NPVF: variants seen among roughly 807,000 people sequenced by gnomAD.
NPVF encodes the protein pro-FMRFamide-related neuropeptide VF.
A neutral mutation model predicts 15.7 loss-of-function variants in NPVF; 17 were observed. The ratio of observed to expected loss-of-function variants is 1.08; its 90% CI spans 0.74 to 1.62. The LOEUF is 1.62. NPVF is among the 40% of genes most tolerant of loss of function. The pLI, the probability that NPVF is intolerant of heterozygous loss-of-function variation, is 0.00. For missense variants in NPVF, 270 were observed against 225.2 expected (o/e 1.20, Z -1.27); for synonymous variants, 70 against 80.1 (o/e 0.87, Z 0.67).
At position 25,225,115 on chromosome 7, in the gene NPVF, A is replaced by G. The variant is rs1783108620; in HGVS notation, c.*7T>C. On this transcript the variant is annotated 3_prime_UTR_variant, in exon 3 of 3. Coordinates refer to ENST00000222674, the MANE Select transcript of NPVF (RefSeq NM_022150.3). Reference sequence around the variant, plus strand: ...GGCCACAGCTTTAGGGACAGGCTCCAGGTTTCTTATTTTTCTTGTTTCAAT... The same window carrying G: ...GGCCACAGCTTTAGGGACAGGCTCCGGGTTTCTTATTTTTCTTGTTTCAAT... 1.2e-6 allele frequency: 2 copies of G among 1,612,812 alleles called. No individual in the cohort carries two copies. Among genetic ancestry groups the G allele is most frequent in the Non-Finnish European group, 1.7e-6 (2 of 1,179,258 alleles).
In NPVF at chr7:25,224,892, T is replaced by C. The variant is rs1347928491; in HGVS notation, c.*230A>G. On this transcript the variant is annotated 3_prime_UTR_variant, in exon 3 of 3. Coordinates refer to ENST00000222674, the MANE Select transcript of NPVF (RefSeq NM_022150.3). ...CCATTATCAGAGATTTCTAAAGCATTTGCAATGCTTTTTTTTTATTCAGAC... is the reference window on the plus strand; with the variant it reads ...CCATTATCAGAGATTTCTAAAGCATCTGCAATGCTTTTTTTTTATTCAGAC... 1 of 497,692 alleles carries C rather than the reference T, an allele frequency of 2.0e-6. No individual in the cohort carries two copies. Among genetic ancestry groups the C allele is most frequent in the Non-Finnish European group, 3.5e-6 (1 of 285,632 alleles). 30.8% of individuals were successfully genotyped at this position (497,692 alleles called of 1,614,324 possible). A position where few individuals can be genotyped will look rare whatever the true frequency, so the allele number is the denominator to read the frequency against.
At chr7:25,226,168 A>G (rs926845248) in intron 2 of NPVF, among the ~76,000 whole-genome samples, 3 of 152,252 alleles carry the variant, frequency 2.0e-5, no homozygotes, top group Non-Finnish European at 4.4e-5. Context: ...TGATTATAAC[A>G]GAGTTTATAA....
chr7:25,227,994 T>C (rs1469571834), intron 1 of NPVF, among the ~76,000 whole-genome samples: 1 of 152,232 alleles, frequency 6.6e-6, no homozygotes, highest in Non-Finnish European at 1.5e-5. Flanking sequence ...AGCTGAAATG[T>C]ACCCAAATCT....
chr7:25,225,008 G>A lies in NPVF; in HGVS notation c.*114C>T. 1.3e-6 allele frequency: 1 copy of A among 775,772 alleles called. No homozygotes were observed. The highest frequency in any genetic ancestry group is 1.8e-5 in the South Asian group (1 of 55,858). The allele number at this position is 775,772 out of a possible 1,614,324, so 48.1% of individuals were successfully genotyped here. On this transcript the variant is annotated 3_prime_UTR_variant, in exon 3 of 3. Coordinates refer to ENST00000222674, the MANE Select transcript of NPVF (RefSeq NM_022150.3). ...ATAGCTGTACTGACAAGGAAAAATTGCCGTTGATGATCCATAGCTGATGAA... is the reference window on the plus strand; with the variant it reads ...ATAGCTGTACTGACAAGGAAAAATTACCGTTGATGATCCATAGCTGATGAA...
At chr7:25,226,601 C>T (rs1783131875) in intron 2 of NPVF, 25 bp downstream of exon 2, 1 of 1,606,466 alleles carries the variant, frequency 6.2e-7, no homozygotes, top group Non-Finnish European at 8.5e-7. Flanking sequence ...TGCCCATGCA[C>T]TTTGACTGGT....
At position 25,226,776 on chromosome 7, in the gene NPVF, C is replaced by G. The variant is rs1583440988; in HGVS notation, c.389G>C (p.Arg130Thr). ...TTTGGCTGTTGTTGTTCTCCCAAAC[C>G]TTTGGGGCAGGTTAGGAACACGTCT... ...LVRRVPNLPQ[R>T]FGRTTTAKSV... Residue 130 changes from arginine to threonine, a missense_variant, in exon 2 of 3, where the codon AGG becomes ACG. Coordinates refer to ENST00000222674, the MANE Select transcript of NPVF (RefSeq NM_022150.3). The G allele has an allele frequency of 6.2e-7, 1 of 1,614,158 alleles. No individual in the cohort carries two copies. Among genetic ancestry groups the G allele is most frequent in the East Asian group, 2.2e-5 (1 of 44,876 alleles).
Position 25,224,938 on chromosome 7 carries a change from G to A in NPVF, c.*184C>T, listed in dbSNP as rs142505821. The A allele has an allele frequency of 1.9e-4, 93 of 502,218 alleles. No homozygotes were observed. The highest frequency in any genetic ancestry group is 1.4e-3 in the African/African-American group (70 of 49,924). The allele number at this position is 502,218 out of a possible 1,614,324, so 31.1% of individuals were successfully genotyped here. A position where few individuals can be genotyped will look rare whatever the true frequency, so the allele number is the denominator to read the frequency against. ...CAGACAAAAATCATTTTAACTTTAC[G>A]TAACAAATATGCTTTAATTTTTTTA... is the stretch of plus-strand genomic sequence containing the variant. On this transcript the variant is annotated 3_prime_UTR_variant, in exon 3 of 3. Coordinates refer to ENST00000222674, the MANE Select transcript of NPVF (RefSeq NM_022150.3).
In NPVF at chr7:25,226,655, T is replaced by G. The variant is rs144694231; in HGVS notation, c.510A>C (p.Glu170Asp). Residue 170 changes from glutamate to aspartate, a missense_variant, in exon 2 of 3, where the codon GAA (glutamate) becomes GAC (aspartate). Glu to Asp is a conservative substitution (Grantham distance 45). Coordinates refer to ENST00000222674, the MANE Select transcript of NPVF (RefSeq NM_022150.3). ...ACTGTTTTTGATCGGGATTCTGGAT[T>G]TCTTGGTGCTGGCAGGTCATGGAGT... Reference protein sequence around the residue: ...LFYSMTCQHQEIQNPDQKQSR... With the variant: ...LFYSMTCQHQDIQNPDQKQSR... 6.5e-4 allele frequency: 1,054 copies of G among 1,613,968 alleles called. 2 individuals are homozygous for G. The highest frequency in any genetic ancestry group is 9.0e-4 in the Admixed American group (54 of 60,022).
At chr7:25,225,312 G>C in intron 2 of NPVF, 139 bp from the exon 3 acceptor site, 1 of 669,506 alleles carries the variant, frequency 1.5e-6, no homozygotes, top group Non-Finnish European at 2.6e-6. Context: ...GTGAGATATT[G>C]GGGGGATGCT....
chr7:25,227,285 C>A (rs777505484), intron 1 of NPVF, among the ~76,000 whole-genome samples: 25 of 152,090 alleles, frequency 1.6e-4, no homozygotes, highest in Non-Finnish European at 3.1e-4. Flanking sequence ...TGAGTTCAAG[C>A]AGCAGGAACA....
chr7:25,226,787 G>C lies in NPVF; in HGVS notation c.378C>G (p.Asn126Lys), dbSNP rs370020919. The change falls in exon 2 of 3, where the codon AAC becomes AAG. Residue 126 changes from asparagine to lysine, a missense_variant. Physicochemically the swap from Asn to Lys is moderately conservative, Grantham distance 94. Coordinates refer to ENST00000222674, the MANE Select transcript of NPVF (RefSeq NM_022150.3). ...TTGTTCTCCCAAACCTTTGGGGCAG[G>C]TTAGGAACACGTCTCACGAGGCTCA... ...MEVSLVRRVP[N>K]LPQRFGRTTT... 1.2e-6 allele frequency: 2 copies of C among 1,613,986 alleles called. No homozygotes were observed. The highest frequency in any genetic ancestry group is 1.7e-6 in the Non-Finnish European group (2 of 1,179,998).
rs780186964 is a variant in NPVF at position 25,226,697 on chromosome 7, ACATGGTGAATG to A, written c.457_467del (p.His153CysfsTer3). 2 of 1,614,216 alleles carry A rather than the reference ACATGGTGAATG, an allele frequency of 1.2e-6. No homozygotes were observed. The highest frequency in any genetic ancestry group is 2.2e-5 in the South Asian group (2 of 91,088). On this transcript the variant is annotated frameshift_variant, in exon 2 of 3. Transcript: ENST00000222674. LOFTEE classifies it high-confidence loss of function. ...TCATGGAGTAAAATAAGTCATTGGC[ACATGGTGAATG>A]CATGGATCCTTGACACAAATCACTC...
rs78880886 is a variant in NPVF, at chr7:25,228,105, G to T, written c.138+197C>A. Reference sequence around the variant, plus strand: ...AAGTACCATACTCACCAGTACAATTGTCATGACAGAGGCCAGCCTGATTGC... The same window carrying T: ...AAGTACCATACTCACCAGTACAATTTTCATGACAGAGGCCAGCCTGATTGC... On this transcript the variant is annotated intron_variant, in intron 1 of 2. Coordinates refer to ENST00000222674, the MANE Select transcript of NPVF (RefSeq NM_022150.3). Among the ~76,000 whole-genome samples the T allele has an allele frequency of 1.6e-3, 240 of 152,256 alleles. 2 individuals carry two copies. The highest frequency in any genetic ancestry group is 5.5e-3 in the African/African-American group (229 of 41,542).
At position 25,225,171 on chromosome 7, in the gene NPVF, C is replaced by G. The variant is rs1274359981; in HGVS notation, c.542G>C (p.Arg181Thr). ...ATCATCTATTTTCTTGAATAGCAGTCTCCTAAAATGTAAGCAGTATAAAAT... is the reference window on the plus strand; with the variant it reads ...ATCATCTATTTTCTTGAATAGCAGTGTCCTAAAATGTAAGCAGTATAAAAT... ...IQNPDQKQSRRLLFKKIDDAE... is the reference protein window; with the variant it reads ...IQNPDQKQSRTLLFKKIDDAE... Residue 181 changes from arginine to threonine, a missense_variant and splice_region_variant, in exon 3 of 3, where the codon AGA becomes ACA. Physicochemically the swap from Arg to Thr is moderately conservative, Grantham distance 71 (BLOSUM62 -1). Coordinates refer to ENST00000222674, the MANE Select transcript of NPVF (RefSeq NM_022150.3). 6.2e-7 allele frequency: 1 copy of G among 1,611,852 alleles called. No individual in the cohort carries two copies. Among genetic ancestry groups the G allele is most frequent in the Non-Finnish European group, 8.5e-7 (1 of 1,178,490 alleles).
At chr7:25,226,564 A>G in intron 2 of NPVF, 62 bp downstream of exon 2, 4 of 1,522,378 alleles carry the variant, frequency 2.6e-6, no homozygotes, top group Non-Finnish European at 2.7e-6. Flanking sequence ...AGTCATTTTT[A>G]AAGTTTCTAG....
rs1783101043 is a variant in NPVF at position 25,224,576 on chromosome 7, T to A, written c.*546A>T. 1.3e-5 allele frequency: 2 copies of A among 152,410 alleles called. No individual in the cohort carries two copies. The highest frequency in any genetic ancestry group is 1.3e-4 in the Admixed American group (2 of 15,306). The allele number at this position is 152,410 out of a possible 1,614,324, so 9.4% of individuals were successfully genotyped here. On this transcript the variant is annotated 3_prime_UTR_variant, in exon 3 of 3. Transcript: ENST00000222674. ...AGGTAACTCATAGTTGCCTTTTTCTTTTCTCCCTAAAGTCTAAGAGTTTTT... is the reference window on the plus strand; with the variant it reads ...AGGTAACTCATAGTTGCCTTTTTCTATTCTCCCTAAAGTCTAAGAGTTTTT...
intron 2 of NPVF, 24 bp from the exon 3 acceptor site, chr7:25,225,197 G>A (rs1177534726): frequency 6.3e-7 from 1 of 1,593,874 alleles, no homozygotes; most frequent in Admixed American, 1.7e-5. Context: ...AGTATAAAAT[G>A]TTGTCACCCA....
rs945140948 is a variant in NPVF, at chr7:25,226,672, T to A, written c.493A>T (p.Thr165Ser). The A allele has an allele frequency of 3.1e-6, 5 of 1,614,044 alleles. No homozygotes were observed. The African/African-American group carries it at 6.7e-5, about 22-fold the overall frequency. Residue 165 changes from threonine to serine, a missense_variant, in exon 2 of 3, where the codon ACC (threonine) becomes TCC (serine). Transcript: ENST00000222674. The part of the protein sequence containing the change: ...PCANDLFYSM[T>S]CQHQEIQNPD... ...TTCTGGATTTCTTGGTGCTGGCAGGTCATGGAGTAAAATAAGTCATTGGCA... is the reference window on the plus strand; with the variant it reads ...TTCTGGATTTCTTGGTGCTGGCAGGACATGGAGTAAAATAAGTCATTGGCA...
chr7:25,228,276 A>AC, intron 1 of NPVF, 26 bp downstream of exon 1: 9 of 1,363,712 alleles, frequency 6.6e-6, no homozygotes, highest in Non-Finnish European at 9.4e-6. Context: ...AATGCTACTC[A>AC]CATTAGAGAG....
Sources: allele counts gnomAD v4.1 joint callset (sites outside exome capture counted in the v4.1 genomes callset), GRCh38; gene constraint gnomAD v4.1.1; transcripts MANE v1.5; gene names NCBI Gene and HGNC (gene_info 2026-07-23, HGNC 2026-07-21).